Variants in RFX3 observed in about 807,000 individuals in gnomAD.
RFX3 encodes the protein regulatory factor X3.
In RFX3, 14 loss-of-function variants were observed where a neutral mutation model predicts 98.6. The observed-to-expected ratio is 0.14, with a 90% confidence interval of 0.09 to 0.22. The LOEUF (loss-of-function observed/expected upper bound fraction) is 0.22, where lower values mean the gene tolerates loss of function less well. Ranked by LOEUF, RFX3 falls within the 10% of genes least tolerant of loss-of-function variation. RFX3 has a pLI of 1.00. For missense variants in RFX3, 639 were observed against 926.9 expected, an observed-to-expected ratio of 0.69 and a Z score of 4.03; for synonymous variants, 383 against 328.4, an observed-to-expected ratio of 1.17 and a Z score of -1.80.
chr9:3,508,293 G>A (rs1408336561), intron 1 of RFX3, among the ~76,000 whole-genome samples: 2 of 151,880 alleles, frequency 1.3e-5, no homozygotes, highest in African/African-American at 4.8e-5. Context: ...CCCAATTTAA[G>A]GCTTGCAAGT....
intron 2 of RFX3, among the ~76,000 whole-genome samples, chr9:3,382,389 T>C (rs890523723): frequency 2.0e-5 from 3 of 152,158 alleles, no homozygotes; most frequent in African/African-American, 7.2e-5. Context: ...TTGGGTGAGT[T>C]TAACTTTTTT....
chr9:3,376,721 T>C (rs1036843032), intron 2 of RFX3, among the ~76,000 whole-genome samples: 7 of 152,020 alleles, frequency 4.6e-5, no homozygotes, highest in African/African-American at 1.5e-4. Context: ...ATCCAGAATC[T>C]ACAATGAACT....
intron 12 of RFX3, among the ~76,000 whole-genome samples, chr9:3,264,429 A>G (rs561019031): frequency 1.3e-5 from 2 of 152,170 alleles, no homozygotes; most frequent in Admixed American, 6.5e-5. Context: ...AGGATGCTCT[A>G]TCTTGACATG....
intron 9 of RFX3, among the ~76,000 whole-genome samples, chr9:3,272,761 T>C (rs148996925): frequency 1.3e-5 from 2 of 152,202 alleles, no homozygotes; most frequent in East Asian, 3.9e-4. Flanking sequence ...TCTTTTAACC[T>C]ACATTAAAAA....
At chr9:3,362,766 T>C (rs1313493387) in intron 2 of RFX3, among the ~76,000 whole-genome samples, 3 of 152,172 alleles carry the variant, frequency 2.0e-5, no homozygotes, top group Non-Finnish European at 2.9e-5. Context: ...AGTGAATTAG[T>C]TCAATAAATC....
intron 11 of RFX3, among the ~76,000 whole-genome samples, chr9:3,266,700 A>C (rs1823684525): frequency 6.6e-6 from 1 of 152,022 alleles, no homozygotes; most frequent in Admixed American, 6.6e-5. Flanking sequence ...TGTTCTTTCA[A>C]GCTCTTAATC....
intron 2 of RFX3, among the ~76,000 whole-genome samples, chr9:3,390,322 G>A (rs1016232535): frequency 6.6e-6 from 1 of 152,182 alleles, no homozygotes; most frequent in Non-Finnish European, 1.5e-5. Flanking sequence ...AAATGTAGAA[G>A]TGAACTGGAT....
Position 3,330,536 on chromosome 9 carries a change from A to G in RFX3, c.216-19T>C, listed in dbSNP as rs1421521201. ...TGTTCGGCTTTAGAAGAAGAAGAAA[A>G]AAGAAATTTACTAGCTTATTTATGT... On this transcript the variant is annotated intron_variant, in intron 3 of 16. Coordinates refer to ENST00000617270, the MANE Select transcript of RFX3 (RefSeq NM_001282116.2). 2.5e-6 allele frequency: 4 copies of G among 1,581,600 alleles called. No individual in the cohort carries two copies. The highest frequency in any genetic ancestry group is 2.6e-6 in the Non-Finnish European group (3 of 1,161,432).
In RFX3 at chr9:3,480,428, G is replaced by C. The variant is rs1331167467; in HGVS notation, c.-9+45319C>G. Among the ~76,000 whole-genome samples the C allele has an allele frequency of 3.3e-5, 5 of 152,184 alleles. 1 individual carries two copies. In the East Asian group the frequency reaches 9.6e-4, roughly 29 times the overall value. On this transcript the variant is annotated intron_variant, in intron 1 of 16. Coordinates refer to ENST00000617270, the MANE Select transcript of RFX3 (RefSeq NM_001282116.2). ...CCTTTTTGCACCCAGACCTGGAAGA[G>C]CTTTAATCCCTTTGCATTCTCTTTG...
At position 3,525,755 on chromosome 9, in the gene RFX3, T is replaced by G; in HGVS notation, c.-17A>C. The stretch of plus-strand genomic sequence containing the variant: ...GACCGAAGAATATTCACCTTGGCTG[T>G]GGATTATTGTGGTGTTGTTGGTGGG... On this transcript the variant is annotated 5_prime_UTR_variant, in exon 1 of 17. Coordinates refer to ENST00000617270, the MANE Select transcript of RFX3 (RefSeq NM_001282116.2). 9.5e-6 allele frequency: 3 copies of G among 315,150 alleles called. No individual in the cohort carries two copies. The highest frequency in any genetic ancestry group is 2.3e-5 in the African/African-American group (1 of 44,110). The allele number at this position is 315,150 out of a possible 1,614,324, so 19.5% of individuals were successfully genotyped here. A position where few individuals can be genotyped will look rare whatever the true frequency, so the allele number is the denominator to read the frequency against.
intron 1 of RFX3, among the ~76,000 whole-genome samples, chr9:3,415,792 T>C (rs893609105): frequency 1.3e-5 from 2 of 152,170 alleles, no homozygotes; most frequent in Non-Finnish European, 2.9e-5. Context: ...TGCAACACAA[T>C]GAGACCCAAG....
chr9:3,471,044 A>C (rs1311809165), intron 1 of RFX3, among the ~76,000 whole-genome samples: 1 of 152,166 alleles, frequency 6.6e-6, no homozygotes, highest in Non-Finnish European at 1.5e-5. Flanking sequence ...AATTCTCACA[A>C]ATCTGTGATG....
At chr9:3,306,853 T>C (rs1829382591) in intron 4 of RFX3, among the ~76,000 whole-genome samples, 1 of 151,942 alleles carries the variant, frequency 6.6e-6, no homozygotes, top group Admixed American at 6.6e-5. Context: ...GATTGCACAA[T>C]GTAGGTTCAA....
At chr9:3,492,376 T>C (rs948936420) in intron 1 of RFX3, among the ~76,000 whole-genome samples, 31 of 152,246 alleles carry the variant, frequency 2.0e-4, no homozygotes, top group Non-Finnish European at 4.1e-4. Context: ...AGAGGGCCCA[T>C]TGCCCTTGGG....
At chr9:3,257,269 C>T (rs1357770876) in intron 13 of RFX3, 70 bp from the exon 14 acceptor site, 8 of 1,254,866 alleles carry the variant, frequency 6.4e-6, no homozygotes, top group Non-Finnish European at 8.0e-6. Context: ...CCAGCACACA[C>T]ACTAGATGCA....
At chr9:3,367,312 C>A (rs1837325308) in intron 2 of RFX3, among the ~76,000 whole-genome samples, 1 of 152,098 alleles carries the variant, frequency 6.6e-6, no homozygotes, top group Non-Finnish European at 1.5e-5. Flanking sequence ...GAGTGGGGAA[C>A]AGATCCCATC....
intron 4 of RFX3, among the ~76,000 whole-genome samples, chr9:3,314,777 G>C (rs1467280340): frequency 6.6e-6 from 1 of 151,826 alleles, no homozygotes; most frequent in Non-Finnish European, 1.5e-5. Flanking sequence ...GAGACAAACA[G>C]GGCCATTACA....
rs182920116 is a variant in RFX3 at position 3,304,205 on chromosome 9, G to A, written c.475-2585C>T. 1.3e-4 allele frequency among the ~76,000 whole-genome samples: 20 copies of A among 151,978 alleles called. 1 individual carries two copies. The highest frequency in any genetic ancestry group is 2.2e-4 in the Non-Finnish European group (15 of 67,918). ...TACCACCTCACTGATAAGAACTTCCGAGAAGCATACAAAAAATTAACATGT... is the reference window on the plus strand; with the variant it reads ...TACCACCTCACTGATAAGAACTTCCAAGAAGCATACAAAAAATTAACATGT... On this transcript the variant is annotated intron_variant, in intron 4 of 16. Transcript: ENST00000617270.
At chr9:3,293,354 G>A (rs1827617149) in intron 5 of RFX3, 96 bp from the exon 6 acceptor site, 2 of 866,768 alleles carry the variant, frequency 2.3e-6, no homozygotes, top group Non-Finnish European at 3.5e-6. Context: ...ATACTTAGAA[G>A]TTCTTCATCA....
Sources: gnomAD v4.1 joint callset for allele counts (sites outside exome capture counted in the v4.1 genomes callset) on GRCh38, gnomAD v4.1.1 for gene constraint, MANE v1.5 for transcripts, NCBI Gene and HGNC (gene_info 2026-07-23, HGNC 2026-07-21) for gene names.